The following ZNF652 variants were observed in gnomAD, a reference collection of about 807,000 sequenced individuals.
ZNF652 encodes the protein zinc finger protein 652.
In ZNF652, 16 loss-of-function variants were observed where a neutral mutation model predicts 45.2. That is an observed-to-expected ratio of 0.35 (90% CI 0.24 to 0.54). ZNF652 has a LOEUF of 0.54. Ranked by LOEUF, ZNF652 falls within the 20% of genes least tolerant of loss-of-function variation. ZNF652 has a pLI of 0.91. For missense variants in ZNF652, 614 were observed against 765.6 expected (o/e 0.80, Z 2.34); for synonymous variants, 250 against 260.6 (o/e 0.96, Z 0.39).
chr17:49,306,670 A>G (rs73342364), intron 5 of ZNF652, among the ~76,000 whole-genome samples: 2,151 of 152,324 alleles, frequency 0.014, 44 homozygotes, highest in African/African-American at 0.049. Context: ...AAAAATGTAT[A>G]TATCTCTTTG....
At chr17:49,335,191 A>G (rs1414473665) in intron 1 of ZNF652, among the ~76,000 whole-genome samples, 1 of 152,246 alleles carries the variant, frequency 6.6e-6, no homozygotes, top group Non-Finnish European at 1.5e-5. Flanking sequence ...GATCTGAAGT[A>G]ATAAGATCAT....
At position 49,308,589 on chromosome 17, in the gene ZNF652, G is replaced by T. The variant is rs188692097; in HGVS notation, c.1309+2723C>A. ...AGCTGAGGTAGGTGGATCACCTGAG[G>T]TCAGGAGTTCAAGACCAGCCTGGCC... On this transcript the variant is annotated intron_variant, in intron 5 of 5. Transcript: ENST00000430262. Among the ~76,000 whole-genome samples, 1,400 of 152,232 alleles carry T rather than the reference G, an allele frequency of 9.2e-3. 22 individuals are homozygous for T. The highest frequency in any genetic ancestry group is 0.032 in the African/African-American group (1,326 of 41,536).
intron 5 of ZNF652, among the ~76,000 whole-genome samples, chr17:49,308,070 T>G (rs769400827): frequency 6.6e-6 from 1 of 152,204 alleles, no homozygotes; most frequent in Non-Finnish European, 1.5e-5. Flanking sequence ...TTTTTTTTAA[T>G]GTGTATATGC....
rs2071973774 is a variant in ZNF652, at chr17:49,293,252, T to C, written c.*5161A>G. On this transcript the variant is annotated 3_prime_UTR_variant, in exon 6 of 6. Transcript: ENST00000430262. ...CCAAATATGTATGTCTGCAAAGTAT[T>C]CTGACTTAAGTAAAGAATTTGATAA... Among the ~76,000 whole-genome samples, 1 of 152,202 alleles carries C rather than the reference T, an allele frequency of 6.6e-6. No individual in the cohort carries two copies. The highest frequency in any genetic ancestry group is 1.5e-5 in the Non-Finnish European group (1 of 68,032).
chr17:49,306,813 C>G (rs1024614268), intron 5 of ZNF652, among the ~76,000 whole-genome samples: 3 of 152,038 alleles, frequency 2.0e-5, no homozygotes, highest in African/African-American at 4.8e-5. Context: ...AATGCAGTGG[C>G]GCGATCTCAG....
At position 49,297,793 on chromosome 17, in the gene ZNF652, T is replaced by A. The variant is rs2069495960; in HGVS notation, c.*620A>T. On this transcript the variant is annotated 3_prime_UTR_variant, in exon 6 of 6. Transcript: ENST00000430262. ...AAATTACACTGCTTATTGAAATACATTTCATTTTAGAAACAGACTACCAAA... is the reference window on the plus strand; with the variant it reads ...AAATTACACTGCTTATTGAAATACAATTCATTTTAGAAACAGACTACCAAA... 6.5e-6 allele frequency: 1 copy of A among 152,724 alleles called. No homozygotes were observed. Among genetic ancestry groups the A allele is most frequent in the South Asian group, 2.1e-4 (1 of 4,836 alleles). The allele number at this position is 152,724 out of a possible 1,614,324, so 9.5% of individuals were successfully genotyped here.
chr17:49,293,978 T>A lies in ZNF652; in HGVS notation c.*4435A>T, dbSNP rs544078873. 9.1e-4 allele frequency among the ~76,000 whole-genome samples: 139 copies of A among 152,240 alleles called. No individual in the cohort carries two copies. Among genetic ancestry groups the A allele is most frequent in the South Asian group, 1.7e-3 (8 of 4,830 alleles). ...TAACTTTAGTTTTTTAGTTTTTTTT[T>A]AAAACATTAAAACCGACCTATCATT... On this transcript the variant is annotated 3_prime_UTR_variant, in exon 6 of 6. Coordinates refer to ENST00000430262, the MANE Select transcript of ZNF652 (RefSeq NM_001145365.3).
chr17:49,312,385 C>T (rs748399873), intron 3 of ZNF652, among the ~76,000 whole-genome samples: 2 of 151,952 alleles, frequency 1.3e-5, no homozygotes, highest in African/African-American at 2.4e-5. Context: ...AGGCTGGTTC[C>T]GAACTCCTGA....
intron 5 of ZNF652, among the ~76,000 whole-genome samples, chr17:49,310,173 T>C (rs187239026): frequency 2.0e-4 from 31 of 152,302 alleles, no homozygotes; most frequent in Non-Finnish European, 4.0e-4. Context: ...CAGGATGGTC[T>C]CGATCTCCTG....
intron 1 of ZNF652, among the ~76,000 whole-genome samples, chr17:49,344,196 G>A (rs930951852): frequency 1.7e-5 from 2 of 119,976 alleles, no homozygotes; most frequent in African/African-American, 2.9e-5. Context: ...GCGAGACTCC[G>A]TTTCAAAAAA....
At chr17:49,319,374 C>A (rs1396103026) in intron 1 of ZNF652, among the ~76,000 whole-genome samples, 1 of 151,652 alleles carries the variant, frequency 6.6e-6, no homozygotes, top group African/African-American at 2.4e-5. Context: ...GTGGCTCACG[C>A]CTGTAATCCC....
At chr17:49,361,750 G>A (rs989310906) in intron 1 of ZNF652, among the ~76,000 whole-genome samples, 159 bp downstream of exon 1, 2 of 151,988 alleles carry the variant, frequency 1.3e-5, no homozygotes, top group African/African-American at 2.4e-5. Context: ...CCTCCCAGCC[G>A]GATGGGGGCT....
intron 1 of ZNF652, among the ~76,000 whole-genome samples, chr17:49,334,519 C>G (rs2070059694): frequency 6.6e-6 from 1 of 151,994 alleles, no homozygotes; most frequent in African/African-American, 2.4e-5. Flanking sequence ...TGACTTAGGC[C>G]TGTAATCCCA....
chr17:49,300,187 T>A (rs959447128), intron 5 of ZNF652, among the ~76,000 whole-genome samples: 1 of 152,218 alleles, frequency 6.6e-6, no homozygotes, highest in African/African-American at 2.4e-5. Context: ...CTATGGCATT[T>A]CTGCAGACAA....
chr17:49,328,107 A>C (rs2069985647), intron 1 of ZNF652, among the ~76,000 whole-genome samples: 1 of 151,996 alleles, frequency 6.6e-6, no homozygotes, highest in African/African-American at 2.4e-5. Flanking sequence ...GATTACTGGT[A>C]TAAATGCTTA....
chr17:49,331,400 C>T (rs1484977704), intron 1 of ZNF652, among the ~76,000 whole-genome samples: 3 of 152,100 alleles, frequency 2.0e-5, no homozygotes, highest in East Asian at 1.9e-4. Context: ...GGATTACAGG[C>T]GTGAGCCACC....
chr17:49,357,303 A>T (rs1461037235), intron 1 of ZNF652, among the ~76,000 whole-genome samples: 1 of 152,090 alleles, frequency 6.6e-6, no homozygotes, highest in Non-Finnish European at 1.5e-5. Flanking sequence ...TGTCTCAAAA[A>T]AAAAAAAAAG....
At chr17:49,321,421 G>GC in intron 1 of ZNF652, among the ~76,000 whole-genome samples, 1 of 107,218 alleles carries the variant, frequency 9.3e-6, no homozygotes, top group South Asian at 3.2e-4. Context: ...CCACCACCAC[G>GC]CTTTTTTTTT....
At chr17:49,324,934 T>C (rs1401910804) in intron 1 of ZNF652, among the ~76,000 whole-genome samples, 2 of 150,560 alleles carry the variant, frequency 1.3e-5, no homozygotes, top group African/African-American at 4.9e-5. Flanking sequence ...AGAGACTAGG[T>C]TTTACCATGT....
Sources: gnomAD v4.1 joint callset for allele counts (sites outside exome capture counted in the v4.1 genomes callset) on GRCh38, gnomAD v4.1.1 for gene constraint, MANE v1.5 for transcripts, NCBI Gene and HGNC (gene_info 2026-07-23, HGNC 2026-07-21) for gene names.